Variants in HECW1 observed in about 807,000 individuals in gnomAD.
HECW1 encodes HECT, C2 and WW domain containing E3 ubiquitin protein ligase 1, also known as E3 ubiquitin-protein ligase HECW1.
In HECW1, 61 loss-of-function variants were observed where a neutral mutation model predicts 182.3. The observed-to-expected ratio is 0.33, with a 90% CI of 0.27 to 0.41. The LOEUF (loss-of-function observed/expected upper bound fraction) is 0.41, where lower values mean the gene tolerates loss of function less well. HECW1 is among the 10% of genes least tolerant of loss of function. The pLI is 1.00. For missense variants in HECW1, 1,739 were observed against 2,108.9 expected (o/e 0.82, Z 3.44); for synonymous variants, 859 against 832.6 (o/e 1.03, Z -0.55).
chr7:43,365,116 C>T (rs1046249387), intron 6 of HECW1, among the ~76,000 whole-genome samples: 1 of 152,208 alleles, frequency 6.6e-6, no homozygotes, highest in East Asian at 1.9e-4. Flanking sequence ...GGCACCCAGC[C>T]GGCATCATCT....
At chr7:43,457,774 C>CA (rs71011918) in intron 13 of HECW1, among the ~76,000 whole-genome samples, 9,574 of 111,960 alleles carry the variant, frequency 0.086, 329 homozygotes, top group Middle Eastern at 0.13. Flanking sequence ...GACTCCATCT[C>CA]AAAAAAAAAA....
intron 6 of HECW1, among the ~76,000 whole-genome samples, chr7:43,367,594 G>A (rs1160360061): frequency 6.6e-6 from 1 of 152,196 alleles, no homozygotes; most frequent in Non-Finnish European, 1.5e-5. Context: ...AAGTAATCTT[G>A]AGTGCTTGAG....
chr7:43,479,579 A>G (rs900767348), intron 16 of HECW1, 31 bp from the exon 17 acceptor site: 2 of 1,613,524 alleles, frequency 1.2e-6, no homozygotes, highest in South Asian at 1.1e-5. Context: ...CTCACACCAC[A>G]CGGTGCTTTT....
intron 17 of HECW1, among the ~76,000 whole-genome samples, chr7:43,486,701 C>T (rs1417602815): frequency 6.6e-6 from 1 of 152,170 alleles, no homozygotes; most frequent in Non-Finnish European, 1.5e-5. Context: ...ATGGGAACAC[C>T]ATTGCCTATG....
At chr7:43,267,204 C>A (rs1584253587) in intron 3 of HECW1, among the ~76,000 whole-genome samples, 1 of 152,088 alleles carries the variant, frequency 6.6e-6, no homozygotes, top group South Asian at 2.1e-4. Context: ...TATAAAGCAT[C>A]TATACAATTA....
In HECW1 at chr7:43,432,374, C is replaced by T. The variant is rs1190851097; in HGVS notation, c.802-5629C>T. Among the ~76,000 whole-genome samples, 1 of 148,914 alleles carries T rather than the reference C, an allele frequency of 6.7e-6. No homozygotes were observed. The highest frequency in any genetic ancestry group is 2.5e-5 in the African/African-American group (1 of 40,144). On this transcript the variant is annotated intron_variant, in intron 8 of 29. Coordinates refer to ENST00000395891, the MANE Select transcript of HECW1 (RefSeq NM_015052.5). This position sits in a 1 kb window ranked among gnomAD's most constrained non-coding sequence, Gnocchi z 4.1. ...CGGGATGGTCTCGATCTCCTGACCT[C>T]GTGATCCGCCCGCCTCGGCCTCCCA...
intron 2 of HECW1, among the ~76,000 whole-genome samples, chr7:43,197,226 C>T (rs111706014): frequency 3.3e-5 from 5 of 152,120 alleles, no homozygotes; most frequent in African/African-American, 1.2e-4. Flanking sequence ...AAAGGAAAAT[C>T]TCTTCTTTTG....
At chr7:43,263,196 A>G (rs1029730090) in intron 3 of HECW1, among the ~76,000 whole-genome samples, 7 of 152,372 alleles carry the variant, frequency 4.6e-5, no homozygotes, top group East Asian at 1.9e-4. Flanking sequence ...TGAAGCATCT[A>G]AAAGCTTCAA....
At chr7:43,198,824 C>G (rs1178971739) in intron 2 of HECW1, among the ~76,000 whole-genome samples, 1 of 152,120 alleles carries the variant, frequency 6.6e-6, no homozygotes, top group African/African-American at 2.4e-5. Context: ...ACCCGCAGTC[C>G]TCCTGAGATC....
In HECW1 at chr7:43,445,091, T is replaced by C. The variant is rs746577073; in HGVS notation, c.1919T>C (p.Leu640Pro). ...PGHSGGHFPS[L>P]ANGAAQDGDT... ...CACTCCGGGGGCCACTTCCCCAGCC[T>C]GGCCAATGGCGCGGCCCAGGATGGC... Residue 640 changes from leucine to proline, a missense_variant, in exon 11 of 30, where the codon CTG becomes CCG. By Grantham distance (98) the Leu-to-Pro change is moderately conservative (BLOSUM62 -3). Coordinates refer to ENST00000395891, the MANE Select transcript of HECW1 (RefSeq NM_015052.5). The C allele has an allele frequency of 6.2e-7, 1 of 1,604,088 alleles. No individual in the cohort carries two copies. Among genetic ancestry groups the C allele is most frequent in the Admixed American group, 1.7e-5 (1 of 59,766 alleles).
intron 21 of HECW1, 38 bp downstream of exon 21, chr7:43,501,360 C>T (rs2079352822): frequency 8.5e-7 from 1 of 1,171,786 alleles, no homozygotes; most frequent in Non-Finnish European, 1.3e-6. Flanking sequence ...TGTTAAGTGG[C>T]CACGTGTGTT....
At chr7:43,242,928 T>C (rs1255980046) in intron 2 of HECW1, among the ~76,000 whole-genome samples, 1 of 152,240 alleles carries the variant, frequency 6.6e-6, no homozygotes, top group East Asian at 1.9e-4. Flanking sequence ...TGTTGAATTC[T>C]CTCCGTCTTC....
intron 6 of HECW1, among the ~76,000 whole-genome samples, chr7:43,367,337 A>T (rs139642511): frequency 1.3e-5 from 2 of 152,362 alleles, no homozygotes; most frequent in Admixed American, 6.5e-5. Context: ...AGGAAACCTC[A>T]TTAACAATAC....
In HECW1 at chr7:43,450,910, C is replaced by T. The variant is rs777259847; in HGVS notation, c.2481C>T (p.Ile827=). 3.7e-6 allele frequency: 6 copies of T among 1,610,148 alleles called. No homozygotes were observed. Among genetic ancestry groups the T allele is most frequent in the African/African-American group, 1.3e-5 (1 of 74,824 alleles). Residue 827 remains isoleucine, a synonymous_variant, in exon 12 of 30, where the codon ATC becomes ATT. Transcript: ENST00000395891. ...CTGAACATCATCACTACCCAACAATCGATGAGCCTCTTCCACCAAGTAAGC... is the reference window on the plus strand; with the variant it reads ...CTGAACATCATCACTACCCAACAATTGATGAGCCTCTTCCACCAAGTAAGC... The part of the protein sequence containing the change: ...LRPEHHHYPT[I]DEPLPPNWEA...
rs950793347 is a variant in HECW1 at position 43,124,114 on chromosome 7, G to A, written c.-32+9723G>A. ...CTCCTGACTCCGTCCTTTTTCAAGTGTTCATTTGTGTCTACTAAACGATGT... is the reference window on the plus strand; with the variant it reads ...CTCCTGACTCCGTCCTTTTTCAAGTATTCATTTGTGTCTACTAAACGATGT... On this transcript the variant is annotated intron_variant, in intron 2 of 29. Coordinates refer to ENST00000395891, the MANE Select transcript of HECW1 (RefSeq NM_015052.5). Among the ~76,000 whole-genome samples, 3 of 152,106 alleles carry A rather than the reference G, an allele frequency of 2.0e-5. No individual in the cohort carries two copies. In the South Asian group the frequency reaches 6.2e-4, roughly 31 times the overall value.
At chr7:43,154,931 A>G (rs1220210537) in intron 2 of HECW1, among the ~76,000 whole-genome samples, 1 of 152,212 alleles carries the variant, frequency 6.6e-6, no homozygotes, top group Non-Finnish European at 1.5e-5. Flanking sequence ...CTGGAACATT[A>G]CTGAGACTGC....
At chr7:43,146,574 A>G (rs1169993126) in intron 2 of HECW1, among the ~76,000 whole-genome samples, 2 of 152,376 alleles carry the variant, frequency 1.3e-5, no homozygotes, top group South Asian at 4.1e-4. Context: ...TCGAGTCTTA[A>G]TAAGTTGCCC....
intron 17 of HECW1, among the ~76,000 whole-genome samples, chr7:43,486,662 T>C (rs1227538365): frequency 6.6e-6 from 1 of 152,236 alleles, no homozygotes; most frequent in Non-Finnish European, 1.5e-5. Flanking sequence ...TGACCAGTGA[T>C]AGGACTTTTT....
chr7:43,388,913 G>A (rs925275081), intron 6 of HECW1, among the ~76,000 whole-genome samples: 1 of 152,210 alleles, frequency 6.6e-6, no homozygotes, highest in Non-Finnish European at 1.5e-5. Context: ...CCTACAGAGG[G>A]TGGGATGATG....
Sources: allele counts gnomAD v4.1 joint callset (sites outside exome capture counted in the v4.1 genomes callset), GRCh38; gene constraint gnomAD v4.1.1; non-coding constraint Gnocchi (gnomAD v3.1); transcripts MANE v1.5; gene names NCBI Gene and HGNC (gene_info 2026-07-23, HGNC 2026-07-21).